COL19A1: variants seen among roughly 807,000 people sequenced by gnomAD.
COL19A1 encodes collagen type XIX alpha 1 chain.
In COL19A1, 159 loss-of-function variants were observed where a neutral mutation model predicts 190.2. The observed-to-expected ratio is 0.84, with a 90% CI of 0.73 to 0.95. The LOEUF (loss-of-function observed/expected upper bound fraction) is 0.95, where lower values mean the gene tolerates loss of function less well. COL19A1 is among the 40% of genes least tolerant of loss of function. COL19A1 has a pLI of 0.00. For missense variants in COL19A1, 1,418 were observed against 1,431.9 expected, an observed-to-expected ratio of 0.99 and a Z score of 0.16; for synonymous variants, 509 against 458.9, an observed-to-expected ratio of 1.11 and a Z score of -1.39.
chr6:70,000,342 T>A (rs1261532657), intron 11 of COL19A1, among the ~76,000 whole-genome samples: 1 of 152,240 alleles, frequency 6.6e-6, no homozygotes, highest in Non-Finnish European at 1.5e-5. Flanking sequence ...TGTACATGTG[T>A]CTTTATAGCA....
chr6:70,198,240 T>G (rs1413302466), intron 48 of COL19A1, among the ~76,000 whole-genome samples: 1 of 152,204 alleles, frequency 6.6e-6, no homozygotes, highest in African/African-American at 2.4e-5. Flanking sequence ...CATTTGGTCT[T>G]TACTTACAAA....
At chr6:69,923,453 A>C (rs914981119) in intron 4 of COL19A1, among the ~76,000 whole-genome samples, 9 of 152,110 alleles carry the variant, frequency 5.9e-5, no homozygotes, top group African/African-American at 2.2e-4. Context: ...TTCCCTAAAA[A>C]CCCCAATTCT....
intron 1 of COL19A1, among the ~76,000 whole-genome samples, chr6:69,873,454 A>T (rs754450866): frequency 6.6e-6 from 1 of 152,186 alleles, no homozygotes; most frequent in African/African-American, 2.4e-5. Flanking sequence ...CAAGCTGCAG[A>T]TGGACCCAAG....
At chr6:70,027,652 T>A (rs973477262) in intron 12 of COL19A1, among the ~76,000 whole-genome samples, 1 of 152,136 alleles carries the variant, frequency 6.6e-6, no homozygotes, top group African/African-American at 2.4e-5. Flanking sequence ...TGCTCATATG[T>A]CCATTCTAGT....
chr6:70,034,118 C>A, intron 12 of COL19A1, 127 bp from the exon 13 acceptor site: 2 of 689,290 alleles, frequency 2.9e-6, no homozygotes, highest in Non-Finnish European at 5.2e-6. Flanking sequence ...GTCTCTATTT[C>A]TCTCTATACT....
chr6:69,969,035 C>A (rs923682819), intron 11 of COL19A1, among the ~76,000 whole-genome samples: 2 of 152,126 alleles, frequency 1.3e-5, no homozygotes, highest in Admixed American at 6.5e-5. Context: ...ATGTTCCTAG[C>A]TTTCTTTATC....
chr6:69,932,288 G>T (rs781324435), intron 6 of COL19A1, among the ~76,000 whole-genome samples: 1 of 151,868 alleles, frequency 6.6e-6, no homozygotes, highest in Admixed American at 6.6e-5. Flanking sequence ...GGCAGAATTC[G>T]TGAAATATAG....
intron 16 of COL19A1, among the ~76,000 whole-genome samples, chr6:70,106,023 A>AT (rs540612074): frequency 2.2e-4 from 34 of 152,126 alleles, no homozygotes; most frequent in African/African-American, 7.7e-4. Context: ...TGATTTTTTT[A>AT]TTTTTTTAAT....
intron 11 of COL19A1, among the ~76,000 whole-genome samples, chr6:69,979,662 G>A (rs569179073): frequency 6.6e-6 from 1 of 151,790 alleles, no homozygotes; most frequent in East Asian, 1.9e-4. Context: ...AGAAAAAAGA[G>A]ATAAACTACC....
chr6:69,886,288 T>G (rs150156639), intron 2 of COL19A1, among the ~76,000 whole-genome samples: 1 of 152,156 alleles, frequency 6.6e-6, no homozygotes, highest in African/African-American at 2.4e-5. Flanking sequence ...GACATTACCT[T>G]GTACCTATAA....
intron 18 of COL19A1, among the ~76,000 whole-genome samples, chr6:70,136,214 A>T (rs1046202488): frequency 6.6e-6 from 1 of 152,226 alleles, no homozygotes; most frequent in African/African-American, 2.4e-5. Context: ...GGATTAGGAT[A>T]TACATATAAA....
At chr6:70,176,654 A>G (rs946845872) in intron 42 of COL19A1, 90 bp downstream of exon 42, 12 of 1,252,682 alleles carry the variant, frequency 9.6e-6, no homozygotes, top group African/African-American at 3.0e-5. Flanking sequence ...CAGGCAGGAG[A>G]GCATACCATA....
chr6:69,895,927 A>AT (rs1769699907), intron 2 of COL19A1, among the ~76,000 whole-genome samples: 2 of 150,584 alleles, frequency 1.3e-5, no homozygotes, highest in South Asian at 4.2e-4. Context: ...TAACGCTGCC[A>AT]TTAATATTCT....
intron 36 of COL19A1, among the ~76,000 whole-genome samples, chr6:70,163,710 A>T (rs1343117673): frequency 6.6e-6 from 1 of 152,184 alleles, no homozygotes; most frequent in Non-Finnish European, 1.5e-5. Flanking sequence ...GGATGCAAGT[A>T]ATGTGGTGTC....
At chr6:69,894,630 G>T (rs777805958) in intron 2 of COL19A1, among the ~76,000 whole-genome samples, 1 of 152,170 alleles carries the variant, frequency 6.6e-6, no homozygotes, top group African/African-American at 2.4e-5. Context: ...AAACCCAGTC[G>T]CTGGGTGGGG....
At chr6:70,110,394 C>A (rs184012880) in intron 16 of COL19A1, among the ~76,000 whole-genome samples, 2 of 152,206 alleles carry the variant, frequency 1.3e-5, no homozygotes, top group East Asian at 3.9e-4. Context: ...ATGAACCTAA[C>A]AATTTATTTG....
chr6:70,055,519 T>C (rs1315094293), intron 14 of COL19A1, among the ~76,000 whole-genome samples: 1 of 152,052 alleles, frequency 6.6e-6, no homozygotes, highest in East Asian at 1.9e-4. Flanking sequence ...TGGTGGCTCA[T>C]GCTTGTAATC....
chr6:69,917,830 A>T (rs1771411071), intron 4 of COL19A1, among the ~76,000 whole-genome samples: 1 of 152,172 alleles, frequency 6.6e-6, no homozygotes, highest in Non-Finnish European at 1.5e-5. Context: ...TGAGCTAAAA[A>T]AAAATCACAA....
intron 12 of COL19A1, among the ~76,000 whole-genome samples, chr6:70,025,026 C>CTT (rs1201144149): frequency 1.7e-4 from 24 of 137,734 alleles, no homozygotes; most frequent in African/African-American, 5.0e-4. Flanking sequence ...GGGATAGATT[C>CTT]TTTTTTTTTT....
Sources: gnomAD v4.1 joint callset for allele counts (sites outside exome capture counted in the v4.1 genomes callset) on GRCh38, gnomAD v4.1.1 for gene constraint, MANE v1.5 for transcripts, NCBI Gene and HGNC (gene_info 2026-07-23, HGNC 2026-07-21) for gene names.